The following ZNF560 variants were observed in gnomAD, a reference collection of about 807,000 sequenced individuals.
The protein encoded by ZNF560 is zinc finger protein 560.
ZNF560 carries 54 observed loss-of-function variants against 81.8 expected under a neutral mutation model. The ratio of observed to expected loss-of-function variants is 0.66; its 90% CI spans 0.53 to 0.83. ZNF560 has a LOEUF of 0.83. ZNF560 is among the 40% of genes least tolerant of loss of function. ZNF560 has a pLI of 0.00. For missense variants in ZNF560, 940 were observed against 932.4 expected (o/e 1.01, Z -0.11); for synonymous variants, 321 against 317.9 (o/e 1.01, Z -0.10).
chr19:9,490,356 A>T (rs2073452114), intron 2 of ZNF560, among the ~76,000 whole-genome samples: 1 of 152,216 alleles, frequency 6.6e-6, no homozygotes, highest in South Asian at 2.1e-4. Context: ...CCAAGTGGGT[A>T]GCACTTAACT....
intron 2 of ZNF560, among the ~76,000 whole-genome samples, chr19:9,478,967 C>G (rs761636826): frequency 3.3e-5 from 5 of 152,122 alleles, no homozygotes; most frequent in Non-Finnish European, 7.3e-5. Context: ...AAGTTCAAGA[C>G]TAGCCATGGC....
At chr19:9,469,273 A>G (rs747717625) in intron 8 of ZNF560, 86 bp from the exon 9 acceptor site, 137 of 1,067,940 alleles carry the variant, frequency 1.3e-4, no homozygotes, top group East Asian at 2.1e-4. Context: ...AACAATTTAT[A>G]TATGTCTAAA....
At chr19:9,470,330 C>T in intron 7 of ZNF560, 62 bp downstream of exon 7, 1 of 1,542,810 alleles carries the variant, frequency 6.5e-7, no homozygotes. Flanking sequence ...TCCTAGAATA[C>T]AGTAAGTACA....
At chr19:9,456,197 C>T in the ZNF560 span, among the ~76,000 whole-genome samples, 1 of 152,186 alleles carries the variant, frequency 6.6e-6, no homozygotes, top group Non-Finnish European at 1.5e-5. Flanking sequence ...CTGTGTTGCA[C>T]CAGGGCTGTG....
rs560554793 is a variant in ZNF560 at position 9,478,738 on chromosome 19, T to C, written c.-56-3369A>G. 3.9e-5 allele frequency among the ~76,000 whole-genome samples: 6 copies of C among 152,294 alleles called. No individual in the cohort carries two copies. The South Asian group carries it at 8.3e-4, about 21-fold the overall frequency. ...TATAAGATGTTTCATATAAGTCTTA[T>C]GGTAACCACAAAGCAAAAATGTATA... On this transcript the variant is annotated intron_variant, in intron 2 of 9. Coordinates refer to ENST00000301480, the MANE Select transcript of ZNF560 (RefSeq NM_152476.3).
chr19:9,477,925 A>AT (rs1334169402), intron 2 of ZNF560, among the ~76,000 whole-genome samples: 1 of 152,192 alleles, frequency 6.6e-6, no homozygotes, highest in Non-Finnish European at 1.5e-5. Flanking sequence ...AAAAGAGCAA[A>AT]TTTTTGAGTT....
chr19:9,468,511 T>C (rs887322644), intron 9 of ZNF560, among the ~76,000 whole-genome samples, 177 bp from the exon 10 acceptor site: 1 of 152,232 alleles, frequency 6.6e-6, no homozygotes. Flanking sequence ...GAATCCTATG[T>C]CATCTGCTCT....
At chr19:9,447,179 T>C in the ZNF560 span, among the ~76,000 whole-genome samples, 2 of 150,846 alleles carry the variant, frequency 1.3e-5, no homozygotes, top group African/African-American at 2.4e-5. Context: ...TTGCTGGCAT[T>C]GACAAAATAA....
At chr19:9,469,772 A>T (rs2073093925) in intron 7 of ZNF560, 62 bp from the exon 8 acceptor site, 1 of 1,396,344 alleles carries the variant, frequency 7.2e-7, no homozygotes, top group African/African-American at 1.4e-5. Context: ...AAACTTTTCC[A>T]TGAAACAGGG....
Position 9,470,419 on chromosome 19 carries a change from C to T in ZNF560, c.421G>A (p.Glu141Lys). Residue 141 changes from glutamate to lysine, a missense_variant, in exon 7 of 10, where the codon GAG becomes AAG. Transcript: ENST00000301480. ...ACTGAGGACAGGTTCTTGTAGTTCTCCAGCATCACATCACTGTACAGGTTT... is the reference window on the plus strand; with the variant it reads ...ACTGAGGACAGGTTCTTGTAGTTCTTCAGCATCACATCACTGTACAGGTTT... ...QRNLYSDVML[E>K]NYKNLSSVGY... 6.2e-7 allele frequency: 1 copy of T among 1,613,364 alleles called. No homozygotes were observed. The highest frequency in any genetic ancestry group is 1.3e-5 in the African/African-American group (1 of 75,038).
chr19:9,501,944 G>A (rs2073636563), upstream of ZNF560, among the ~76,000 whole-genome samples: 2 of 151,928 alleles, frequency 1.3e-5, no homozygotes, highest in East Asian at 2.0e-4. Flanking sequence ...CTTGAAGTCA[G>A]GACTTTGAGA....
intron 2 of ZNF560, among the ~76,000 whole-genome samples, chr19:9,488,295 C>G (rs180886305): frequency 6.6e-6 from 1 of 152,254 alleles, no homozygotes; most frequent in Admixed American, 6.5e-5. Context: ...TTCCAACCAG[C>G]AGAATCCTGA....
intron 2 of ZNF560, among the ~76,000 whole-genome samples, chr19:9,477,880 A>G (rs1599662002): frequency 6.6e-6 from 1 of 152,320 alleles, no homozygotes; most frequent in East Asian, 1.9e-4. Context: ...AAAAACAAAA[A>G]TGAAGAAAAA....
At chr19:9,450,344 A>G in the ZNF560 span, among the ~76,000 whole-genome samples, 2 of 152,128 alleles carry the variant, frequency 1.3e-5, no homozygotes, top group Non-Finnish European at 2.9e-5. Context: ...CTGCTATTCA[A>G]CATAGTACTA....
Position 9,471,321 on chromosome 19 carries a change from A to G in ZNF560, c.296T>C (p.Ile99Thr). Residue 99 changes from isoleucine to threonine, a missense_variant, in exon 6 of 10, where the codon ATA (isoleucine) becomes ACA (threonine). Physicochemically the swap from Ile to Thr is moderately conservative, Grantham distance 89. Transcript: ENST00000301480. ...CATTTGTATCCCATTAGAAGTTTGT[A>G]TTTTCCAAAACTCCTGCTGCAGTGC... ...VSALQQEFWK[I>T]QTSNGIQMDL... 6.3e-7 allele frequency: 1 copy of G among 1,599,304 alleles called. No homozygotes were observed. Among genetic ancestry groups the G allele is most frequent in the Non-Finnish European group, 8.5e-7 (1 of 1,174,324 alleles).
chr19:9,480,070 A>T (rs1465968597), intron 2 of ZNF560, among the ~76,000 whole-genome samples: 1 of 152,220 alleles, frequency 6.6e-6, no homozygotes, highest in Non-Finnish European at 1.5e-5. Context: ...GATCATTCAG[A>T]CAGAAAATCA....
chr19:9,476,575 C>T (rs997760764), intron 2 of ZNF560, among the ~76,000 whole-genome samples: 28 of 152,236 alleles, frequency 1.8e-4, no homozygotes, highest in African/African-American at 6.7e-4. Flanking sequence ...CAGATGTGAG[C>T]CACCGCGCCC....
chr19:9,483,394 C>T (rs1259002103), intron 2 of ZNF560, among the ~76,000 whole-genome samples: 6 of 151,070 alleles, frequency 4.0e-5, no homozygotes, highest in African/African-American at 1.5e-4. Flanking sequence ...CAGCAGCCGC[C>T]CCGTCTGAGA....
chr19:9,472,235 T>C (rs933477963), intron 5 of ZNF560, among the ~76,000 whole-genome samples: 7 of 152,078 alleles, frequency 4.6e-5, no homozygotes, highest in Admixed American at 3.9e-4. Flanking sequence ...GTTTGGATCA[T>C]GGGGGTGGGT....
Sources: allele counts gnomAD v4.1 joint callset (sites outside exome capture counted in the v4.1 genomes callset), GRCh38; gene constraint gnomAD v4.1.1; transcripts MANE v1.5; gene names NCBI Gene and HGNC (gene_info 2026-07-23, HGNC 2026-07-21).